The following DNAAF8 variants were observed in gnomAD, a reference collection of about 807,000 sequenced individuals.
The protein encoded by DNAAF8 is dynein axonemal-associated protein 1.
Under a neutral mutation model 54.6 loss-of-function variants are expected in DNAAF8, and 61 were observed. The observed-to-expected ratio is 1.12, with a 90% CI of 0.91 to 1.38. The LOEUF is 1.38. Among genes scored for constraint, DNAAF8 ranks in the 40% most tolerant of loss-of-function variants. The pLI is 0.00. For missense variants in DNAAF8, 837 were observed against 665.0 expected, an observed-to-expected ratio of 1.26 and a Z score of -2.85; for synonymous variants, 320 against 270.1, an observed-to-expected ratio of 1.18 and a Z score of -1.81.
chr16:4,738,915 C>T (rs2081926556), intron 3 of DNAAF8, among the ~76,000 whole-genome samples: 3 of 152,002 alleles, frequency 2.0e-5, no homozygotes, highest in Non-Finnish European at 1.5e-5. Flanking sequence ...GAAAAGAAAA[C>T]AGTGTAGAGG....
chr16:4,746,916 T>C lies in DNAAF8; in HGVS notation c.1182-11T>C. The C allele has an allele frequency of 6.5e-7, 1 of 1,541,686 alleles. No individual in the cohort carries two copies. Among genetic ancestry groups the C allele is most frequent in the Non-Finnish European group, 8.7e-7 (1 of 1,145,708 alleles). ...GTGGGCACATCCAGAAACCCATTTC[T>C]CTCCCTGCAGCTCCAGCCACAGCTC... On this transcript the variant is annotated splice_polypyrimidine_tract_variant and intron_variant, in intron 7 of 9. Coordinates refer to ENST00000299320, the MANE Select transcript of DNAAF8 (RefSeq NM_139170.3).
chr16:4,739,675 A>G (rs2142203395), intron 3 of DNAAF8, among the ~76,000 whole-genome samples: 1 of 151,634 alleles, frequency 6.6e-6, no homozygotes, highest in East Asian at 1.9e-4. Context: ...CAGCCTCCCA[A>G]GTAGCTGGGA....
At chr16:4,747,723 T>C in intron 9 of DNAAF8, 89 bp downstream of exon 9, 1 of 1,394,748 alleles carries the variant, frequency 7.2e-7, no homozygotes, top group Admixed American at 2.6e-5. Flanking sequence ...GCATTTCCAC[T>C]AGCAGGGGCA....
Position 4,744,968 on chromosome 16 carries a change from G to A in DNAAF8, c.1000G>A (p.Ala334Thr). The A allele has an allele frequency of 6.2e-7, 1 of 1,613,994 alleles. No individual in the cohort carries two copies. The highest frequency in any genetic ancestry group is 8.5e-7 in the Non-Finnish European group (1 of 1,180,000). ...CTCTGCTTGTGCCCGGAAGGTGCCTGCCGACACTCCCCAGGACACCAAAGA... is the reference window on the plus strand; with the variant it reads ...CTCTGCTTGTGCCCGGAAGGTGCCTACCGACACTCCCCAGGACACCAAAGA... Reference protein sequence around the residue: ...KASACARKVPADTPQDTKEAD... With the variant: ...KASACARKVPTDTPQDTKEAD... The change falls in exon 6 of 10, where the codon GCC becomes ACC. Residue 334 changes from alanine to threonine, a missense_variant. Physicochemically the swap from Ala to Thr is moderately conservative, Grantham distance 58. Transcript: ENST00000299320.
chr16:4,740,150 C>T lies in DNAAF8; in HGVS notation c.277-3C>T, dbSNP rs374310136. On this transcript the variant is annotated splice_region_variant and splice_polypyrimidine_tract_variant and intron_variant, in intron 3 of 9. Coordinates refer to ENST00000299320, the MANE Select transcript of DNAAF8 (RefSeq NM_139170.3). ...TAACTGAACATACCTGTTTTCTTGA[C>T]AGCCAGTTCTGGTGCCTGCAGAATT... 22 of 1,588,532 alleles carry T rather than the reference C, an allele frequency of 1.4e-5. No individual in the cohort carries two copies. The Middle Eastern group carries it at 1.2e-3, about 85-fold the overall frequency.
intron 3 of DNAAF8, among the ~76,000 whole-genome samples, chr16:4,739,655 C>G (rs2081939031): frequency 6.6e-6 from 1 of 151,048 alleles, no homozygotes; most frequent in Non-Finnish European, 1.5e-5. Context: ...CTGAAGCGAT[C>G]CTCCCACTTC....
chr16:4,737,457 C>T (rs1413708541), intron 2 of DNAAF8, among the ~76,000 whole-genome samples: 1 of 152,184 alleles, frequency 6.6e-6, no homozygotes, highest in Non-Finnish European at 1.5e-5. Context: ...GGGCTGGACC[C>T]TGCTCTTTCA....
At chr16:4,745,965 A>AAG (rs2082011488) in intron 6 of DNAAF8, among the ~76,000 whole-genome samples, 1 of 151,726 alleles carries the variant, frequency 6.6e-6, no homozygotes, top group South Asian at 2.1e-4. Context: ...AAAAAAAAAA[A>AAG]AAAAGAAAAA....
In DNAAF8 at chr16:4,736,611, C is replaced by G. The variant is rs768337802; in HGVS notation, c.97C>G (p.Gln33Glu). The G allele has an allele frequency of 3.2e-6, 5 of 1,586,014 alleles. No homozygotes were observed. In the Admixed American group the frequency reaches 8.6e-5, roughly 27 times the overall value. Reference sequence around the variant, plus strand: ...TGCCATCCTCAAGGCTGTCAAAGACCAGCTCCCGTCTCTGGACTCAGACTC... The same window carrying G: ...TGCCATCCTCAAGGCTGTCAAAGACGAGCTCCCGTCTCTGGACTCAGACTC... ...WDAILKAVKD[Q>E]LPSLDSDSPL... is the part of the protein sequence containing the mutation. The change falls in exon 2 of 10, where the codon CAG (glutamine) becomes GAG (glutamate). Residue 33 changes from glutamine to glutamate, a missense_variant. By Grantham distance (29) the Gln-to-Glu change is conservative. Transcript: ENST00000299320.
chr16:4,740,771 A>C (rs1281340906), intron 4 of DNAAF8, 112 bp downstream of exon 4: 2 of 1,308,954 alleles, frequency 1.5e-6, no homozygotes, highest in East Asian at 4.8e-5. Flanking sequence ...CTAGGACCTT[A>C]GGCCCATTAT....
In DNAAF8 at chr16:4,747,386, T is replaced by C; in HGVS notation, c.1324T>C (p.Phe442Leu). The change falls in exon 9 of 10, where the codon TTT (phenylalanine) becomes CTT (leucine). Residue 442 changes from phenylalanine to leucine, a missense_variant. By Grantham distance (22) the Phe-to-Leu change is conservative. Transcript: ENST00000299320. ...KSQLLQQLRA[F>L]QKGTAQPELP... ...CCAGCTTCTCCAGCAGCTCAGGGCC[T>C]TTCAGAAGGGGACAGCCCAGCCCGA... The C allele has an allele frequency of 1.2e-6, 2 of 1,609,340 alleles. No individual in the cohort carries two copies. Among genetic ancestry groups the C allele is most frequent in the Non-Finnish European group, 1.7e-6 (2 of 1,177,448 alleles).
Position 4,747,612 on chromosome 16 carries a change from T to C in DNAAF8, c.1550T>C (p.Leu517Pro). 6.2e-7 allele frequency: 1 copy of C among 1,607,538 alleles called. No homozygotes were observed. The highest frequency in any genetic ancestry group is 1.7e-5 in the Admixed American group (1 of 59,754). ...GAAREALMPPLEQL is the reference protein window; with the variant it reads ...GAAREALMPPPEQL ...GCCAGGGAGGCCCTGATGCCTCCTC[T>C]GGAGCAACTATAGCTGCCTCAGGTA... Residue 517 changes from leucine (L) to proline (P), a missense_variant, in exon 9 of 10, where the codon CTG becomes CCG. Leu to Pro is a moderately conservative substitution (Grantham distance 98, BLOSUM62 -3). Transcript: ENST00000299320.
At chr16:4,737,611 G>T (rs547342112) in intron 2 of DNAAF8, among the ~76,000 whole-genome samples, 189 bp from the exon 3 acceptor site, 2 of 152,160 alleles carry the variant, frequency 1.3e-5, no homozygotes, top group African/African-American at 4.8e-5. Context: ...GCAAGAAGCC[G>T]CGCACAGCAA....
Position 4,742,552 on chromosome 16 carries a change from C to CAA in DNAAF8, c.784-472_784-471dup, listed in dbSNP as rs576508321. 8.4e-3 allele frequency among the ~76,000 whole-genome samples: 799 copies of CAA among 94,646 alleles called. 7 individuals are homozygous for CAA. The highest frequency in any genetic ancestry group is 0.032 in the African/African-American group (748 of 23,302). 62.1% of individuals were successfully genotyped at this position (94,646 alleles called of 152,430 possible). On this transcript the variant is annotated intron_variant, in intron 4 of 9. Coordinates refer to ENST00000299320, the MANE Select transcript of DNAAF8 (RefSeq NM_139170.3). ...TGAAACCCCATCTCTACTAAAAATACAAAAAAAAAAAAAAAAAAAATGAAG... is the reference window on the plus strand; with the variant it reads ...TGAAACCCCATCTCTACTAAAAATACAAAAAAAAAAAAAAAAAAAAAATGAAG...
At position 4,747,040 on chromosome 16, in the gene DNAAF8, G is replaced by T; in HGVS notation, c.1280+15G>T. 6.6e-7 allele frequency: 1 copy of T among 1,515,372 alleles called. No individual in the cohort carries two copies. Among genetic ancestry groups the T allele is most frequent in the Non-Finnish European group, 8.8e-7 (1 of 1,136,424 alleles). 93.9% of individuals were successfully genotyped at this position (1,515,372 alleles called of 1,614,324 possible). ...CTGGGGCTACGGTAACCACCCAGGG[G>T]CCTCTCGCCACCTGCAGATGTCCCA... On this transcript the variant is annotated intron_variant, in intron 8 of 9. Transcript: ENST00000299320.
chr16:4,744,515 T>A (rs1313780318), intron 5 of DNAAF8, among the ~76,000 whole-genome samples: 1 of 152,036 alleles, frequency 6.6e-6, no homozygotes, highest in Admixed American at 6.6e-5. Context: ...AAAAAACCTA[T>A]AGAGGATGAC....
In DNAAF8 at chr16:4,747,007, C is replaced by T. The variant is rs202220210; in HGVS notation, c.1262C>T (p.Pro421Leu). The T allele has an allele frequency of 3.3e-6, 5 of 1,535,244 alleles. No individual in the cohort carries two copies. The Admixed American group carries it at 9.4e-5, about 29-fold the overall frequency. ...AALGDAEGAS[P>L]SSLGLRTCTG... ...CTGGGAGACGCAGAGGGGGCATCTCCTTCCTCCCTGGGGCTACGGTAACCA... is the reference window on the plus strand; with the variant it reads ...CTGGGAGACGCAGAGGGGGCATCTCTTTCCTCCCTGGGGCTACGGTAACCA... Residue 421 changes from proline to leucine, a missense_variant, in exon 8 of 10, where the codon CCT (proline) becomes CTT (leucine). Pro to Leu is a moderately conservative substitution (Grantham distance 98). Transcript: ENST00000299320.
rs758813266 is a variant in DNAAF8, at chr16:4,740,482, G to C, written c.606G>C (p.Glu202Asp). The change falls in exon 4 of 10, where the codon GAG becomes GAC. Residue 202 changes from glutamate to aspartate, a missense_variant. By Grantham distance (45) the Glu-to-Asp change is conservative. Coordinates refer to ENST00000299320, the MANE Select transcript of DNAAF8 (RefSeq NM_139170.3). ...ESVNRRALRQ[E>D]RRKMIETDIL... is the part of the protein sequence containing the mutation. ...TGAACCGCCGGGCCCTCCGACAGGA[G>C]AGAAGGAAGATGATAGAGACGGACA... 1.9e-6 allele frequency: 3 copies of C among 1,614,104 alleles called. No homozygotes were observed. The highest frequency in any genetic ancestry group is 1.7e-5 in the Admixed American group (1 of 60,024).
rs747463498 is a variant in DNAAF8 at position 4,745,014 on chromosome 16, G to A, written c.1043+3G>A. 34 of 1,612,384 alleles carry A rather than the reference G, an allele frequency of 2.1e-5. No individual in the cohort carries two copies. Among genetic ancestry groups the A allele is most frequent in the East Asian group, 8.9e-5 (4 of 44,806 alleles). On this transcript the variant is annotated splice_donor_region_variant and intron_variant, in intron 6 of 9. Transcript: ENST00000299320. Reference sequence around the variant, plus strand: ...AAAGAGGCAGATTCAGGAAGCAGGTGGGACTTGTAGCCAGGCCCGGCTCCT... The same window carrying A: ...AAAGAGGCAGATTCAGGAAGCAGGTAGGACTTGTAGCCAGGCCCGGCTCCT...
Sources: allele counts gnomAD v4.1 joint callset (sites outside exome capture counted in the v4.1 genomes callset), GRCh38; gene constraint gnomAD v4.1.1; transcripts MANE v1.5; gene names NCBI Gene and HGNC (gene_info 2026-07-23, HGNC 2026-07-21).